The following NXPH1 variants were observed in gnomAD, a reference collection of about 807,000 sequenced individuals.
NXPH1 encodes the protein neurexophilin 1.
In NXPH1, 5 loss-of-function variants were observed where a neutral mutation model predicts 23.7. The observed-to-expected ratio is 0.21, with a 90% confidence interval of 0.11 to 0.44. The LOEUF is 0.44. Among genes scored for constraint, NXPH1 ranks in the 20% least tolerant of loss-of-function variants. The pLI is 0.99. For synonymous variants in NXPH1, 144 were observed against 122.2 expected (o/e 1.18, Z -1.18); for missense variants, 324 against 321.6 (o/e 1.01, Z -0.06).
rs1480175237 is a variant in NXPH1 at position 8,564,556 on chromosome 7, G to A, written c.54+128789G>A. ...ACTGAGGGATCCTGGCTGCCATCTC[G>A]GTTAGTAAACACTGTAGCTTCCCCA... On this transcript the variant is annotated intron_variant, in intron 2 of 2. Transcript: ENST00000405863. Among the ~76,000 whole-genome samples the A allele has an allele frequency of 4.6e-5, 7 of 151,740 alleles. No individual in the cohort carries two copies. In the East Asian group the frequency reaches 7.8e-4, roughly 17 times the overall value.
chr7:8,607,601 A>G (rs1819522353), intron 2 of NXPH1, among the ~76,000 whole-genome samples: 2 of 152,142 alleles, frequency 1.3e-5, no homozygotes, highest in South Asian at 4.1e-4. Flanking sequence ...TTTCTTTCTA[A>G]AATCATTATT....
chr7:8,464,067 T>C (rs755804693), intron 2 of NXPH1, among the ~76,000 whole-genome samples: 30 of 152,196 alleles, frequency 2.0e-4, no homozygotes, highest in Non-Finnish European at 4.1e-4. Context: ...TCTTAAGTGC[T>C]CCTGCATAAT....
chr7:8,682,102 T>C (rs1179075287), intron 2 of NXPH1, among the ~76,000 whole-genome samples: 1 of 152,202 alleles, frequency 6.6e-6, no homozygotes, highest in Non-Finnish European at 1.5e-5. Flanking sequence ...CACCTTCACC[T>C]TTGTGCTTGA....
chr7:8,730,594 T>G (rs1292012710), intron 2 of NXPH1, among the ~76,000 whole-genome samples: 3 of 152,178 alleles, frequency 2.0e-5, no homozygotes, highest in South Asian at 4.1e-4. Context: ...TCTCCTTCAC[T>G]TATGAAGCTT....
chr7:8,476,307 C>G (rs574207443), intron 2 of NXPH1, among the ~76,000 whole-genome samples: 57 of 152,230 alleles, frequency 3.7e-4, no homozygotes, highest in African/African-American at 1.4e-3. Context: ...TGTCAGCTGA[C>G]AAGTTTCTTC....
intron 2 of NXPH1, 117 bp from the exon 3 acceptor site, chr7:8,750,891 C>CT: frequency 3.0e-6 from 3 of 1,014,750 alleles, no homozygotes; most frequent in Non-Finnish European, 4.4e-6. Context: ...AGATGCGGTG[C>CT]TTTTAAAAAA....
At chr7:8,530,625 A>G (rs907578436) in intron 2 of NXPH1, among the ~76,000 whole-genome samples, 2 of 152,228 alleles carry the variant, frequency 1.3e-5, no homozygotes, top group Non-Finnish European at 2.9e-5. Flanking sequence ...AGTGTCAGTG[A>G]AAACTTGCCT....
chr7:8,721,669 T>G (rs1254141185), intron 2 of NXPH1, among the ~76,000 whole-genome samples: 2 of 152,106 alleles, frequency 1.3e-5, no homozygotes, highest in Admixed American at 1.3e-4. Flanking sequence ...TCCCAGCTAC[T>G]CGGGAGGCTG....
chr7:8,583,909 G>T (rs941607766), intron 2 of NXPH1, among the ~76,000 whole-genome samples: 7 of 152,128 alleles, frequency 4.6e-5, no homozygotes, highest in African/African-American at 1.7e-4. Flanking sequence ...GTAAAGTGGT[G>T]GTCAAGCTTC....
intron 2 of NXPH1, among the ~76,000 whole-genome samples, chr7:8,626,159 A>T (rs891980068): frequency 1.1e-4 from 16 of 152,048 alleles, no homozygotes; most frequent in African/African-American, 3.9e-4. Flanking sequence ...CAAACAAAGG[A>T]TGTATTTAAC....
intron 2 of NXPH1, among the ~76,000 whole-genome samples, chr7:8,681,205 C>T (rs1383836978): frequency 6.6e-6 from 1 of 152,152 alleles, no homozygotes; most frequent in Middle Eastern, 3.2e-3. Flanking sequence ...AAATCCATCC[C>T]TTTTACTTTT....
intron 2 of NXPH1, among the ~76,000 whole-genome samples, chr7:8,651,421 G>A (rs529895391): frequency 1.5e-4 from 21 of 137,770 alleles, no homozygotes; most frequent in Middle Eastern, 3.5e-3. Flanking sequence ...GAATAATGCC[G>A]CAATAAACAT....
chr7:8,725,821 G>A (rs565903875), intron 2 of NXPH1, among the ~76,000 whole-genome samples: 26 of 151,342 alleles, frequency 1.7e-4, no homozygotes, highest in Admixed American at 4.6e-4. Flanking sequence ...TTTATTTCTG[G>A]GTTGACCGAC....
chr7:8,668,520 C>T (rs112315642), intron 2 of NXPH1, among the ~76,000 whole-genome samples: 2,908 of 152,204 alleles, frequency 0.019, 48 homozygotes, highest in Middle Eastern at 0.048. Context: ...GGGCCTGAAT[C>T]CTGGATCCAC....
intron 2 of NXPH1, among the ~76,000 whole-genome samples, chr7:8,479,589 A>T (rs184669175): frequency 3.5e-4 from 54 of 152,284 alleles, no homozygotes; most frequent in Admixed American, 3.3e-3. Flanking sequence ...TAGCATCCAG[A>T]TCGTGGTGGC....
intron 2 of NXPH1, among the ~76,000 whole-genome samples, chr7:8,493,437 G>A (rs1192509328): frequency 6.6e-6 from 1 of 151,972 alleles, no homozygotes; most frequent in African/African-American, 2.4e-5. Context: ...TTTGCTTACT[G>A]CTGTGCCCAG....
intron 2 of NXPH1, among the ~76,000 whole-genome samples, chr7:8,565,500 G>GATAT (rs1818526663): frequency 2.8e-5 from 1 of 36,220 alleles, no homozygotes; most frequent in Non-Finnish European, 4.8e-5. Flanking sequence ...CAGTGAGTTT[G>GATAT]ACATAAATAT....
At chr7:8,713,194 A>G (rs1344967376) in intron 2 of NXPH1, among the ~76,000 whole-genome samples, 1 of 152,016 alleles carries the variant, frequency 6.6e-6, no homozygotes, top group East Asian at 1.9e-4. Context: ...CAAGCTCACC[A>G]ATCCTTTATT....
chr7:8,720,753 A>G (rs1465165924), intron 2 of NXPH1, among the ~76,000 whole-genome samples: 3 of 152,214 alleles, frequency 2.0e-5, no homozygotes, highest in Non-Finnish European at 4.4e-5. Flanking sequence ...ACTCTCTGCA[A>G]CTACTAAAAA....
Sources: gnomAD v4.1 joint callset for allele counts (sites outside exome capture counted in the v4.1 genomes callset) on GRCh38, gnomAD v4.1.1 for gene constraint, MANE v1.5 for transcripts, NCBI Gene and HGNC (gene_info 2026-07-23, HGNC 2026-07-21) for gene names.